Variants in ZNF385D observed in about 807,000 individuals in gnomAD.
ZNF385D encodes the protein zinc finger protein 385D, also known as zinc finger protein 659.
In ZNF385D, 15 loss-of-function variants were observed where a neutral mutation model predicts 35.8. That is an observed-to-expected ratio of 0.42 (90% CI 0.28 to 0.64). The LOEUF (loss-of-function observed/expected upper bound fraction) is 0.64, where lower values mean the gene tolerates loss of function less well. Among genes scored for constraint, ZNF385D ranks in the 30% least tolerant of loss-of-function variants. The pLI is 0.23. For synonymous variants in ZNF385D, 212 were observed against 186.8 expected, an observed-to-expected ratio of 1.13 and a Z score of -1.10; for missense variants, 474 against 494.6, an observed-to-expected ratio of 0.96 and a Z score of 0.39.
intron 3 of ZNF385D, among the ~76,000 whole-genome samples, chr3:22,167,629 T>A (rs1221346461): frequency 6.6e-6 from 1 of 152,056 alleles, no homozygotes; most frequent in Non-Finnish European, 1.5e-5. Flanking sequence ...GAAACAGCAG[T>A]GGGGCAGAGC....
chr3:22,168,225 A>G (rs924433901), intron 3 of ZNF385D, among the ~76,000 whole-genome samples: 6 of 152,170 alleles, frequency 3.9e-5, no homozygotes, highest in Non-Finnish European at 7.4e-5. Flanking sequence ...TTTTCTAATA[A>G]CTTTCCATTT....
rs921465195 is a variant in ZNF385D, at chr3:21,539,278, A to G, written c.276+25296T>C. On this transcript the variant is annotated intron_variant, in intron 3 of 7. Coordinates refer to ENST00000281523, the MANE Select transcript of ZNF385D (RefSeq NM_024697.3). The surrounding 1 kb of genome is among the most constrained non-coding windows in gnomAD (Gnocchi z 4.0). Reference sequence around the variant, plus strand: ...AGTGCTGTGTGGCTTCTACATTTCTACATAGATCACTTTCTCATTAATTGA... The same window carrying G: ...AGTGCTGTGTGGCTTCTACATTTCTGCATAGATCACTTTCTCATTAATTGA... 6.6e-6 allele frequency among the ~76,000 whole-genome samples: 1 copy of G among 152,100 alleles called. No homozygotes were observed. The highest frequency in any genetic ancestry group is 1.5e-5 in the Non-Finnish European group (1 of 68,004).
chr3:22,324,085 A>G (rs1189528139), intron 2 of ZNF385D, among the ~76,000 whole-genome samples: 5 of 152,054 alleles, frequency 3.3e-5, no homozygotes, highest in Non-Finnish European at 5.9e-5. Context: ...AATTGTGCTA[A>G]AAAATAATTA....
At chr3:21,840,067 A>G (rs1224598706) in intron 3 of ZNF385D, among the ~76,000 whole-genome samples, 1 of 152,118 alleles carries the variant, frequency 6.6e-6, no homozygotes, top group Non-Finnish European at 1.5e-5. Context: ...GAAGAATGTG[A>G]TAACCTCTTT....
chr3:22,345,270 C>T (rs1045559462), intron 2 of ZNF385D, among the ~76,000 whole-genome samples: 1 of 152,118 alleles, frequency 6.6e-6, no homozygotes, highest in Non-Finnish European at 1.5e-5. Flanking sequence ...ATACCAGATA[C>T]AGAGCAAAAG....
chr3:22,201,583 A>G (rs977463116), intron 2 of ZNF385D, among the ~76,000 whole-genome samples: 2 of 152,058 alleles, frequency 1.3e-5, no homozygotes, highest in African/African-American at 2.4e-5. Flanking sequence ...TTGTAAAGCA[A>G]GAACATTTTT....
intron 3 of ZNF385D, among the ~76,000 whole-genome samples, chr3:22,040,011 C>T (rs1698568847): frequency 6.6e-6 from 1 of 152,234 alleles, no homozygotes; most frequent in African/African-American, 2.4e-5. Flanking sequence ...CTCCTGCTCC[C>T]GCCATGCACC....
At chr3:21,909,183 CA>C (rs1242391588) in intron 3 of ZNF385D, among the ~76,000 whole-genome samples, 1 of 151,964 alleles carries the variant, frequency 6.6e-6, no homozygotes, top group East Asian at 1.9e-4. Flanking sequence ...TAAGTTCGTC[CA>C]AATATAATAC....
chr3:21,966,162 A>G (rs1702901372), intron 3 of ZNF385D, among the ~76,000 whole-genome samples: 1 of 152,174 alleles, frequency 6.6e-6, no homozygotes, highest in Non-Finnish European at 1.5e-5. Context: ...GTGCAGTTCT[A>G]TCTCAATGGA....
intron 4 of ZNF385D, among the ~76,000 whole-genome samples, chr3:21,470,517 T>C (rs1243006356): frequency 2.6e-5 from 4 of 152,134 alleles, no homozygotes; most frequent in Admixed American, 2.0e-4. Flanking sequence ...CAAAAGACAT[T>C]ACTCAAAATA....
rs180849087 is a variant in ZNF385D, at chr3:22,241,440, C to T, written c.107-72405G>A. Among the ~76,000 whole-genome samples the T allele has an allele frequency of 9.3e-5, 14 of 151,340 alleles. No homozygotes were observed. In the East Asian group the frequency reaches 2.7e-3, roughly 30 times the overall value. ...TTCACCTTTACCTGTATTTGTTTCT[C>T]GTCTGAATCACTAGGTGCTGGCCTT... On this transcript the variant is annotated intron_variant, in intron 2 of 5. Transcript: ENST00000494108.
At chr3:21,987,828 T>C (rs944405338) in intron 3 of ZNF385D, among the ~76,000 whole-genome samples, 3 of 126,836 alleles carry the variant, frequency 2.4e-5, no homozygotes, top group African/African-American at 1.2e-4. Context: ...GATTTGGTCT[T>C]TTCACATAGT....
At chr3:21,689,130 C>CAAA (rs5847126) in intron 1 of ZNF385D, among the ~76,000 whole-genome samples, 32 of 114,312 alleles carry the variant, frequency 2.8e-4, no homozygotes, top group Middle Eastern at 4.4e-3. Context: ...CTTATTGAAG[C>CAAA]AAAAAAAAAA....
intron 2 of ZNF385D, among the ~76,000 whole-genome samples, chr3:22,370,070 T>C (rs759030104): frequency 7.2e-5 from 11 of 152,196 alleles, no homozygotes; most frequent in Non-Finnish European, 7.4e-5. Context: ...ATGCACCTGG[T>C]AAATAGCAAG....
chr3:21,889,425 G>C (rs989851139), intron 3 of ZNF385D, among the ~76,000 whole-genome samples: 3 of 152,196 alleles, frequency 2.0e-5, no homozygotes, highest in African/African-American at 7.2e-5. Context: ...GGAAAGAAAA[G>C]TAGGAGATGA....
At chr3:22,188,315 A>T (rs1695778017) in intron 2 of ZNF385D, among the ~76,000 whole-genome samples, 2 of 152,158 alleles carry the variant, frequency 1.3e-5, no homozygotes, top group Non-Finnish European at 2.9e-5. Flanking sequence ...GGCAATTAAA[A>T]CAGTATTTCG....
intron 3 of ZNF385D, among the ~76,000 whole-genome samples, chr3:21,829,742 G>C (rs1289177961): frequency 1.3e-5 from 2 of 151,786 alleles, no homozygotes; most frequent in Non-Finnish European, 2.9e-5. Flanking sequence ...CTAAATTATT[G>C]AAATATATAC....
At position 21,510,943 on chromosome 3, in the gene ZNF385D, T is replaced by G; in HGVS notation, c.357A>C (p.Lys119Asn). ...KALEAMKNKQ[K>N]SVTAKDSAKT... Reference sequence around the variant, plus strand: ...TTGCGCTGTCCTTGGCAGTTACAGATTTCTGCTTATTTTTCATGGCTTCCA... The same window carrying G: ...TTGCGCTGTCCTTGGCAGTTACAGAGTTCTGCTTATTTTTCATGGCTTCCA... Residue 119 changes from lysine (K) to asparagine (N), a missense_variant, in exon 4 of 8, where the codon AAA (lysine) becomes AAC (asparagine). Coordinates refer to ENST00000281523, the MANE Select transcript of ZNF385D (RefSeq NM_024697.3). 6.2e-7 allele frequency: 1 copy of G among 1,614,144 alleles called. No individual in the cohort carries two copies. The highest frequency in any genetic ancestry group is 8.5e-7 in the Non-Finnish European group (1 of 1,180,014).
intron 4 of ZNF385D, among the ~76,000 whole-genome samples, chr3:21,493,931 T>C (rs561384019): frequency 6.6e-6 from 1 of 152,314 alleles, no homozygotes; most frequent in African/African-American, 2.4e-5. Context: ...TTCTGTATAT[T>C]CATATTGAAA....
Sources: allele counts gnomAD v4.1 joint callset (sites outside exome capture counted in the v4.1 genomes callset), GRCh38; gene constraint gnomAD v4.1.1; non-coding constraint Gnocchi (gnomAD v3.1); transcripts MANE v1.5; gene names NCBI Gene and HGNC (gene_info 2026-07-23, HGNC 2026-07-21).